TENM2: variants seen among roughly 807,000 people sequenced by gnomAD.
TENM2 encodes teneurin transmembrane protein 2, also known as teneurin-2.
TENM2 carries 52 observed loss-of-function variants against 245.2 expected under a neutral mutation model. The ratio of observed to expected loss-of-function variants is 0.21; its 90% CI spans 0.17 to 0.27. The LOEUF (loss-of-function observed/expected upper bound fraction) is 0.27. Among genes scored for constraint, TENM2 ranks in the 10% least tolerant of loss-of-function variants. The probability of loss-of-function intolerance (pLI) is 1.00; values close to 1 mark genes in which losing one functional copy is unlikely to be tolerated. For synonymous variants in TENM2, 1,363 were observed against 1,438.9 expected (o/e 0.95, Z 1.19); for missense variants, 3,046 against 3,666.8 (o/e 0.83, Z 4.37).
chr5:167,326,311 T>A (rs558860128), intron 1 of TENM2, among the ~76,000 whole-genome samples: 1 of 152,148 alleles, frequency 6.6e-6, no homozygotes, highest in Non-Finnish European at 1.5e-5. Flanking sequence ...GGCATGGAAG[T>A]ACATCTACTT....
intron 1 of TENM2, among the ~76,000 whole-genome samples, chr5:167,344,514 A>G (rs1758344537): frequency 6.6e-6 from 1 of 152,112 alleles, no homozygotes; most frequent in African/African-American, 2.4e-5. Context: ...TTTAAGGAAA[A>G]AAAAATACAC....
intron 2 of TENM2, among the ~76,000 whole-genome samples, chr5:167,589,133 T>C (rs1329663364): frequency 6.8e-6 from 1 of 148,090 alleles, no homozygotes; most frequent in African/African-American, 2.5e-5. Context: ...ACATGGGAGG[T>C]GGAGGTTGCA....
intron 2 of TENM2, 149 bp downstream of exon 4, chr5:167,375,622 G>A: frequency 1.3e-6 from 1 of 779,130 alleles, no homozygotes; most frequent in Non-Finnish European, 2.0e-6. Flanking sequence ...CTGGGGGGAA[G>A]TAAACCAGCA....
At chr5:167,365,842 A>G (rs1760016375) in intron 1 of TENM2, among the ~76,000 whole-genome samples, 1 of 152,052 alleles carries the variant, frequency 6.6e-6, no homozygotes, top group South Asian at 2.1e-4. Context: ...TTCAATATGT[A>G]TCTTACAATT....
chr5:167,674,149 TGTTGAC>T (rs914010478), intron 2 of TENM2, among the ~76,000 whole-genome samples: 13 of 152,158 alleles, frequency 8.5e-5, no homozygotes, highest in African/African-American at 3.1e-4. Flanking sequence ...TATGCATGGG[TGTTGAC>T]GTTGAATAGC....
chr5:167,011,789 T>C, the TENM2 span, among the ~76,000 whole-genome samples: 1 of 152,234 alleles, frequency 6.6e-6, no homozygotes, highest in Non-Finnish European at 1.5e-5. Context: ...ATAATTTCAT[T>C]TCCTATCTGA....
At chr5:168,065,636 A>C (rs574082185) in intron 7 of TENM2, among the ~76,000 whole-genome samples, 51 of 152,208 alleles carry the variant, frequency 3.4e-4, no homozygotes, top group African/African-American at 1.2e-3. Context: ...TTTTTAATAA[A>C]TTAATTTCTA....
At chr5:167,793,841 GA>G (rs918521201) in intron 2 of TENM2, among the ~76,000 whole-genome samples, 16 of 148,530 alleles carry the variant, frequency 1.1e-4, no homozygotes, top group South Asian at 2.1e-4. Context: ...AAAAAAAAAA[GA>G]AAAAAAAAGA....
intron 12 of TENM2, among the ~76,000 whole-genome samples, chr5:168,145,586 T>A (rs1445459560): frequency 4.0e-5 from 6 of 151,486 alleles, no homozygotes; most frequent in Non-Finnish European, 2.9e-5. Context: ...TACTGTAGCC[T>A]TGTAGTATAG....
chr5:167,357,250 A>G (rs1759396992), intron 1 of TENM2, among the ~76,000 whole-genome samples: 1 of 151,968 alleles, frequency 6.6e-6, no homozygotes, highest in Admixed American at 6.6e-5. Context: ...CATGGAGCAC[A>G]GAGCCCTCGT....
intron 3 of TENM2, among the ~76,000 whole-genome samples, chr5:167,896,435 A>C (rs897122802): frequency 1.2e-4 from 18 of 152,222 alleles, no homozygotes; most frequent in Non-Finnish European, 2.1e-4. Context: ...CAAAAGTCAG[A>C]GCAATGTTTA....
chr5:167,087,386 C>G, the TENM2 span, among the ~76,000 whole-genome samples: 4 of 152,182 alleles, frequency 2.6e-5, no homozygotes, highest in Non-Finnish European at 5.9e-5. Context: ...TAAACTGTAG[C>G]TCTGCCTTCC....
At chr5:168,192,936 T>A (rs547592658) in intron 14 of TENM2, among the ~76,000 whole-genome samples, 75 of 152,316 alleles carry the variant, frequency 4.9e-4, no homozygotes, top group African/African-American at 1.8e-3. Context: ...ATTCTCCCTT[T>A]CATGCTTTCT....
At chr5:167,572,084 T>C (rs1255261039) in intron 2 of TENM2, among the ~76,000 whole-genome samples, 4 of 152,212 alleles carry the variant, frequency 2.6e-5, no homozygotes, top group Non-Finnish European at 4.4e-5. Flanking sequence ...TAATGATAAG[T>C]AGAGTTTCAT....
chr5:168,170,669 C>T (rs1758729817), intron 13 of TENM2, among the ~76,000 whole-genome samples: 1 of 152,122 alleles, frequency 6.6e-6, no homozygotes, highest in Admixed American at 6.5e-5. Flanking sequence ...TTGCTCTGCA[C>T]CTGGGTTACG....
chr5:167,289,427 C>T (rs1322708982), intron 1 of TENM2, among the ~76,000 whole-genome samples: 2 of 152,136 alleles, frequency 1.3e-5, no homozygotes, highest in Non-Finnish European at 2.9e-5. Flanking sequence ...TTTCTCTGTA[C>T]GTCAGGCTGG....
chr5:167,309,485 A>C (rs552814194), intron 1 of TENM2, among the ~76,000 whole-genome samples: 2 of 152,262 alleles, frequency 1.3e-5, no homozygotes, highest in Admixed American at 6.5e-5. Flanking sequence ...AATAGACGCA[A>C]TCTCTCCCAA....
At chr5:167,467,981 G>C (rs1479086092) in intron 2 of TENM2, among the ~76,000 whole-genome samples, 2 of 152,158 alleles carry the variant, frequency 1.3e-5, no homozygotes, top group Admixed American at 6.5e-5. Context: ...TTGTCGCCCA[G>C]GCTGGAGTGC....
At chr5:167,055,799 A>C in the TENM2 span, among the ~76,000 whole-genome samples, 1 of 151,996 alleles carries the variant, frequency 6.6e-6, no homozygotes, top group African/African-American at 2.4e-5. Context: ...GAGGTTTTTA[A>C]AATATTTTTG....
Sources: gnomAD v4.1 joint callset for allele counts (sites outside exome capture counted in the v4.1 genomes callset) on GRCh38, gnomAD v4.1.1 for gene constraint, MANE v1.5 for transcripts, NCBI Gene and HGNC (gene_info 2026-07-23, HGNC 2026-07-21) for gene names.